Variants in GRB14 observed in about 807,000 individuals in gnomAD.
GRB14 encodes growth factor receptor-bound protein 14.
In GRB14, 38 loss-of-function variants were observed where a neutral mutation model predicts 69.1. The observed-to-expected ratio is 0.55, with a 90% confidence interval of 0.42 to 0.72. The LOEUF is 0.72. Ranked by LOEUF, GRB14 falls within the 30% of genes least tolerant of loss-of-function variation. The pLI is 0.00. For synonymous variants in GRB14, 247 were observed against 241.3 expected (o/e 1.02, Z -0.22); for missense variants, 666 against 666.1 (o/e 1.00, Z 0.00).
At chr2:164,555,692 CAT>C (rs1574304505) in intron 2 of GRB14, among the ~76,000 whole-genome samples, 1 of 149,896 alleles carries the variant, frequency 6.7e-6, no homozygotes, top group African/African-American at 2.4e-5. Flanking sequence ...CATGATGAGA[CAT>C]ATATAATTTT....
intron 2 of GRB14, among the ~76,000 whole-genome samples, chr2:164,593,937 A>G (rs1198141442): frequency 7.2e-5 from 11 of 152,226 alleles, no homozygotes. Flanking sequence ...TAACTACAGG[A>G]AAAACAGAAT....
intron 3 of GRB14, among the ~76,000 whole-genome samples, chr2:164,534,367 G>A (rs1688027105): frequency 6.6e-6 from 1 of 152,068 alleles, no homozygotes; most frequent in Admixed American, 6.5e-5. Context: ...AAATAACCCT[G>A]GGAGGCATAA....
intron 8 of GRB14, 78 bp downstream of exon 8, chr2:164,508,377 G>A (rs8192674): frequency 0.12 from 139,880 of 1,140,448 alleles, 9,217 homozygotes; most frequent in Middle Eastern, 0.17. Flanking sequence ...GAGACTTCAC[G>A]TTCTGAAATA....
Position 164,560,588 on chromosome 2 carries a change from T to C in GRB14, c.325-12772A>G, listed in dbSNP as rs560566879. 6.4e-4 allele frequency among the ~76,000 whole-genome samples: 97 copies of C among 152,130 alleles called. 1 individual carries two copies. Among genetic ancestry groups the C allele is most frequent in the Non-Finnish European group, 1.1e-3 (76 of 68,014 alleles). ...ACATATTAAACATTAATAAGAAGGATTGGGGGGGCATATGTATATATACAT... is the reference window on the plus strand; with the variant it reads ...ACATATTAAACATTAATAAGAAGGACTGGGGGGGCATATGTATATATACAT... On this transcript the variant is annotated intron_variant, in intron 2 of 13. Transcript: ENST00000263915.
chr2:164,621,446 G>T lies in GRB14; in HGVS notation c.-137C>A, dbSNP rs1690462713. On this transcript the variant is annotated 5_prime_UTR_variant, in exon 1 of 14. Coordinates refer to ENST00000263915, the MANE Select transcript of GRB14 (RefSeq NM_004490.3). The surrounding 1 kb of genome is among the most constrained non-coding windows in gnomAD (Gnocchi z 6.0). ...TGGTGGCCTCGCCGCCTGCGCTCGG[G>T]GCCCCGGCGGCTGAGACGCGCGGCC... is the stretch of plus-strand genomic sequence containing the variant. 3 of 607,744 alleles carry T rather than the reference G, an allele frequency of 4.9e-6. No individual in the cohort carries two copies. Among genetic ancestry groups the T allele is most frequent in the African/African-American group, 1.9e-5 (1 of 52,084 alleles). 37.6% of individuals were successfully genotyped at this position (607,744 alleles called of 1,614,324 possible).
At chr2:164,510,765 A>G (rs1265246080) in intron 6 of GRB14, among the ~76,000 whole-genome samples, 3 of 152,208 alleles carry the variant, frequency 2.0e-5, no homozygotes, top group African/African-American at 7.2e-5. Flanking sequence ...GTCCTGGTGC[A>G]TTCACCACAA....
Position 164,621,079 on chromosome 2 carries a change from C to T in GRB14, c.191+40G>A. ...GCCTCCTCACCCCCTCGCCGGCTGC[C>T]CAGCCAGGACACTCCCCCGCGCCCT... is the stretch of plus-strand genomic sequence containing the variant. On this transcript the variant is annotated intron_variant, in intron 1 of 13. Transcript: ENST00000263915. The surrounding 1 kb of genome is among the most constrained non-coding windows in gnomAD (Gnocchi z 6.0). 2 of 1,244,566 alleles carry T rather than the reference C, an allele frequency of 1.6e-6. No individual in the cohort carries two copies. Among genetic ancestry groups the T allele is most frequent in the African/African-American group, 1.6e-5 (1 of 64,490 alleles). The allele number at this position is 1,244,566 out of a possible 1,614,324, so 77.1% of individuals were successfully genotyped here.
At chr2:164,604,854 G>A (rs190874741) in intron 2 of GRB14, among the ~76,000 whole-genome samples, 29 of 152,232 alleles carry the variant, frequency 1.9e-4, no homozygotes, top group Middle Eastern at 6.8e-3. Flanking sequence ...GCGAGGGGCC[G>A]AGACGGAGAA....
intron 2 of GRB14, among the ~76,000 whole-genome samples, chr2:164,560,439 C>T (rs1309192583): frequency 2.0e-5 from 3 of 152,056 alleles, no homozygotes; most frequent in South Asian, 2.1e-4. Flanking sequence ...TATCATGTTT[C>T]GAAAACTGCA....
intron 3 of GRB14, among the ~76,000 whole-genome samples, chr2:164,541,075 A>G (rs1688224219): frequency 1.3e-5 from 2 of 152,236 alleles, no homozygotes; most frequent in Non-Finnish European, 2.9e-5. Flanking sequence ...AAATGTTAAC[A>G]TTAGTTATCT....
chr2:164,585,085 CTTTTTTTTTTTTTTTTTT>C (rs146962375), intron 2 of GRB14, among the ~76,000 whole-genome samples: 55 of 54,380 alleles, frequency 1.0e-3, no homozygotes, highest in African/African-American at 4.0e-3. Flanking sequence ...CCATGCCTGG[CTTTTTTTTTTTTTTTTTT>C]TTTTTTTTTT....
At chr2:164,587,259 C>G (rs1689560744) in intron 2 of GRB14, among the ~76,000 whole-genome samples, 1 of 152,092 alleles carries the variant, frequency 6.6e-6, no homozygotes, top group African/African-American at 2.4e-5. Context: ...TCAAAGTTGA[C>G]TTTAGAATTC....
chr2:164,505,512 C>T (rs964518492), intron 8 of GRB14, among the ~76,000 whole-genome samples: 3 of 152,104 alleles, frequency 2.0e-5, no homozygotes, highest in African/African-American at 7.2e-5. Flanking sequence ...AGCCCCATGC[C>T]ATATCCTGTG....
In GRB14 at chr2:164,497,473, A is replaced by T. The variant is rs145637032; in HGVS notation, c.1122T>A (p.Asn374Lys). The T allele has an allele frequency of 1.1e-4, 174 of 1,602,390 alleles. 1 individual carries two copies. The African/African-American group carries it at 2.0e-3, about 18-fold the overall frequency. ...CTGAGAAGTCCATTGCTACCAGGGAATTCTCTGATATACTTCTCTGGAAAA... is the reference window on the plus strand; with the variant it reads ...CTGAGAAGTCCATTGCTACCAGGGATTTCTCTGATATACTTCTCTGGAAAA... Reference protein sequence around the residue: ...SISPMRSISENSLVAMDFSGQ... With the variant: ...SISPMRSISEKSLVAMDFSGQ... The change falls in exon 10 of 14, where the codon AAT becomes AAA. Residue 374 changes from asparagine to lysine, a missense_variant. Transcript: ENST00000263915.
At chr2:164,573,870 C>T in intron 2 of GRB14, 1 of 1,612,948 alleles carries the variant, frequency 6.2e-7, no homozygotes, top group Non-Finnish European at 8.5e-7. Flanking sequence ...ATTAGAAATG[C>T]AAGACTGGAT....
At chr2:164,555,979 T>C (rs960552064) in intron 2 of GRB14, among the ~76,000 whole-genome samples, 1 of 152,022 alleles carries the variant, frequency 6.6e-6, no homozygotes, top group Admixed American at 6.5e-5. Flanking sequence ...TAATATTTCA[T>C]GAGAAATATT....
In GRB14 at chr2:164,621,418, G is replaced by C. The variant is rs1690461063; in HGVS notation, c.-109C>G. 1 of 943,084 alleles carries C rather than the reference G, an allele frequency of 1.1e-6. No individual in the cohort carries two copies. The allele number at this position is 943,084 out of a possible 1,614,324, so 58.4% of individuals were successfully genotyped here. On this transcript the variant is annotated 5_prime_UTR_variant, in exon 1 of 14. Coordinates refer to ENST00000263915, the MANE Select transcript of GRB14 (RefSeq NM_004490.3). The surrounding 1 kb of genome is among the most constrained non-coding windows in gnomAD (Gnocchi z 6.0). ...GCTAGGCAGCCCGAGCGCTCTGCAG[G>C]TGTGGTGGCCTCGCCGCCTGCGCTC...
intron 2 of GRB14, among the ~76,000 whole-genome samples, chr2:164,581,174 A>G (rs1389411057): frequency 1.3e-5 from 2 of 152,084 alleles, no homozygotes; most frequent in Non-Finnish European, 2.9e-5. Context: ...TCTTTCCTTT[A>G]GGGCCTGCCC....
intron 3 of GRB14, among the ~76,000 whole-genome samples, chr2:164,536,440 A>C (rs1478303728): frequency 1.3e-5 from 2 of 152,188 alleles, no homozygotes; most frequent in African/African-American, 4.8e-5. Context: ...CTGATTATTA[A>C]AATAATACAT....
Sources: allele counts gnomAD v4.1 joint callset (sites outside exome capture counted in the v4.1 genomes callset), GRCh38; gene constraint gnomAD v4.1.1; non-coding constraint Gnocchi (gnomAD v3.1); transcripts MANE v1.5; gene names NCBI Gene and HGNC (gene_info 2026-07-23, HGNC 2026-07-21).